The following CWC27 variants were observed in gnomAD, a reference collection of about 807,000 sequenced individuals.
The protein encoded by CWC27 is CWC27 spliceosome associated cyclophilin, also known as spliceosome-associated protein CWC27 homolog.
Under a neutral mutation model 63.6 loss-of-function variants are expected in CWC27, and 47 were observed. That is an observed-to-expected ratio of 0.74 (90% CI 0.58 to 0.94). The LOEUF is 0.94. Among genes scored for constraint, CWC27 ranks in the 40% least tolerant of loss-of-function variants. CWC27 has a pLI of 0.00. For synonymous variants in CWC27, 175 were observed against 179.8 expected (o/e 0.97, Z 0.22); for missense variants, 495 against 554.3 (o/e 0.89, Z 1.07).
At chr5:64,842,043 A>G (rs1580664858) in intron 10 of CWC27, among the ~76,000 whole-genome samples, 1 of 152,202 alleles carries the variant, frequency 6.6e-6, no homozygotes, top group East Asian at 1.9e-4. Flanking sequence ...CAGACCTAAT[A>G]CAGCCTGCCA....
intron 7 of CWC27, 74 bp from the exon 8 acceptor site, chr5:64,800,174 G>A (rs1744438238): frequency 9.6e-7 from 1 of 1,040,808 alleles, no homozygotes; most frequent in Non-Finnish European, 1.5e-6. Flanking sequence ...TAGGTTTTAT[G>A]TAAATTTGTT....
intron 13 of CWC27, among the ~76,000 whole-genome samples, chr5:65,011,763 G>A (rs1224601231): frequency 6.6e-6 from 1 of 152,230 alleles, no homozygotes; most frequent in Non-Finnish European, 1.5e-5. Flanking sequence ...CGATGGCTGA[G>A]AGGAGATTGC....
At position 64,875,672 on chromosome 5, in the gene CWC27, G is replaced by A. The variant is rs539903065; in HGVS notation, c.939-9771G>A. On this transcript the variant is annotated intron_variant, in intron 10 of 13. Coordinates refer to ENST00000381070, the MANE Select transcript of CWC27 (RefSeq NM_005869.4). Reference sequence around the variant, plus strand: ...AACTGTTACATTTCTCACTTGCATAGCATATATTTAATCTAAGCAGTGCCC... The same window carrying A: ...AACTGTTACATTTCTCACTTGCATAACATATATTTAATCTAAGCAGTGCCC... 2.2e-3 allele frequency among the ~76,000 whole-genome samples: 332 copies of A among 152,174 alleles called. 1 individual carries two copies. Among genetic ancestry groups the A allele is most frequent in the Non-Finnish European group, 3.7e-3 (254 of 67,968 alleles).
At chr5:64,898,979 A>G (rs1161047710) in intron 11 of CWC27, among the ~76,000 whole-genome samples, 1 of 152,154 alleles carries the variant, frequency 6.6e-6, no homozygotes, top group Admixed American at 6.6e-5. Context: ...CTCTTATCAT[A>G]TTATACTGAA....
intron 10 of CWC27, among the ~76,000 whole-genome samples, chr5:64,844,697 T>C (rs1417157219): frequency 6.6e-6 from 1 of 152,214 alleles, no homozygotes; most frequent in Non-Finnish European, 1.5e-5. Context: ...GCTCAAGCAG[T>C]GGCTCCATTC....
chr5:64,788,235 T>C (rs1743951766), intron 6 of CWC27, among the ~76,000 whole-genome samples: 1 of 152,088 alleles, frequency 6.6e-6, no homozygotes, highest in South Asian at 2.1e-4. Context: ...CTAAAGTCTT[T>C]TTTTGGTGTG....
intron 11 of CWC27, among the ~76,000 whole-genome samples, chr5:64,930,044 T>G (rs1450930529): frequency 2.0e-5 from 3 of 152,174 alleles, no homozygotes; most frequent in Non-Finnish European, 2.9e-5. Context: ...AGGAATAAAG[T>G]ACTGATTCAT....
intron 10 of CWC27, among the ~76,000 whole-genome samples, chr5:64,813,996 T>A (rs1744958329): frequency 6.6e-6 from 1 of 152,124 alleles, no homozygotes. Flanking sequence ...ATGGGTCACA[T>A]GCAGTCCAGG....
chr5:64,905,215 A>C (rs1747604658), intron 11 of CWC27, among the ~76,000 whole-genome samples: 1 of 151,396 alleles, frequency 6.6e-6, no homozygotes. Context: ...AAAAAAAAAA[A>C]AAAAAAAAAC....
chr5:64,924,832 A>G (rs1261530487), intron 11 of CWC27, among the ~76,000 whole-genome samples: 1 of 152,208 alleles, frequency 6.6e-6, no homozygotes, highest in Non-Finnish European at 1.5e-5. Context: ...AATGATTGGC[A>G]TATATAGAAA....
chr5:65,001,734 A>G (rs1309539), intron 13 of CWC27, among the ~76,000 whole-genome samples: 113,101 of 151,976 alleles, frequency 0.74, 42,885 homozygotes, highest in African/African-American at 0.89. Context: ...GTATTTTGTT[A>G]TGAATTTTTG....
At chr5:64,810,982 G>GT (rs1025107315) in intron 10 of CWC27, among the ~76,000 whole-genome samples, 8 of 151,974 alleles carry the variant, frequency 5.3e-5, no homozygotes, top group Non-Finnish European at 1.0e-4. Context: ...TGTTTCTAAT[G>GT]TTTTTTTAAA....
intron 3 of CWC27, among the ~76,000 whole-genome samples, chr5:64,782,538 CAT>C (rs1259163593): frequency 6.6e-6 from 1 of 150,708 alleles, no homozygotes; most frequent in Non-Finnish European, 1.5e-5. Context: ...TAACTGCCAA[CAT>C]AGATCTAAGA....
intron 11 of CWC27, among the ~76,000 whole-genome samples, chr5:64,927,276 T>C (rs1006651117): frequency 5.3e-5 from 8 of 152,222 alleles, no homozygotes; most frequent in African/African-American, 1.9e-4. Context: ...AAGTATACAT[T>C]ACATTACTAA....
intron 10 of CWC27, among the ~76,000 whole-genome samples, chr5:64,820,657 G>T (rs1362103833): frequency 6.6e-6 from 1 of 152,010 alleles, no homozygotes; most frequent in African/African-American, 2.4e-5. Context: ...TTTGACAAAG[G>T]TACAAAGATA....
intron 10 of CWC27, among the ~76,000 whole-genome samples, chr5:64,812,679 A>T (rs1471309863): frequency 6.6e-6 from 1 of 152,134 alleles, no homozygotes; most frequent in African/African-American, 2.4e-5. Flanking sequence ...CTAACCAATC[A>T]TTCTATTCTC....
intron 10 of CWC27, among the ~76,000 whole-genome samples, chr5:64,817,759 T>C (rs1053961577): frequency 2.0e-5 from 3 of 152,166 alleles, no homozygotes; most frequent in African/African-American, 7.2e-5. Flanking sequence ...TATTTAGATA[T>C]AGCTATACCA....
intron 11 of CWC27, among the ~76,000 whole-genome samples, chr5:64,966,557 C>T (rs969333498): frequency 6.6e-6 from 1 of 152,106 alleles, no homozygotes; most frequent in Non-Finnish European, 1.5e-5. Flanking sequence ...AAAAAGATGA[C>T]ATAGTGTATC....
chr5:64,843,612 A>G (rs1361470548), intron 10 of CWC27, among the ~76,000 whole-genome samples: 1 of 152,182 alleles, frequency 6.6e-6, no homozygotes, highest in East Asian at 1.9e-4. Flanking sequence ...GTTTTGACAT[A>G]TCTATATCTA....
Sources: allele counts gnomAD v4.1 joint callset (sites outside exome capture counted in the v4.1 genomes callset), GRCh38; gene constraint gnomAD v4.1.1; transcripts MANE v1.5; gene names NCBI Gene and HGNC (gene_info 2026-07-23, HGNC 2026-07-21).